SUMF1: variants seen among roughly 807,000 people sequenced by gnomAD.
The protein encoded by SUMF1 is formylglycine-generating enzyme.
A neutral mutation model predicts 47.6 loss-of-function variants in SUMF1; 48 were observed. The ratio of observed to expected loss-of-function variants is 1.01; its 90% CI spans 0.80 to 1.28. SUMF1 has a LOEUF of 1.28. Ranked by LOEUF, SUMF1 falls within the 50% of genes most tolerant of loss-of-function variation. SUMF1 has a pLI of 0.00. For missense variants in SUMF1, 571 were observed against 485.4 expected (o/e 1.18, Z -1.66); for synonymous variants, 230 against 192.1 (o/e 1.20, Z -1.63).
chr3:4,091,307 C>T (rs1692781717), intron 8 of SUMF1, among the ~76,000 whole-genome samples: 1 of 152,110 alleles, frequency 6.6e-6, no homozygotes, highest in Admixed American at 6.6e-5. Context: ...CACACTCCTT[C>T]ACCTCTTGTA....
Position 4,418,137 on chromosome 3 carries a change from G to C in SUMF1, c.603-5C>G. The C allele has an allele frequency of 6.2e-7, 1 of 1,613,958 alleles. No individual in the cohort carries two copies. The highest frequency in any genetic ancestry group is 8.5e-7 in the Non-Finnish European group (1 of 1,179,988). Reference sequence around the variant, plus strand: ...TGGAGAACTGGATGATCCGGCCTGGGGAAGAGCAAAAGTAGAATGAAAAGT... The same window carrying C: ...TGGAGAACTGGATGATCCGGCCTGGCGAAGAGCAAAAGTAGAATGAAAAGT... On this transcript the variant is annotated splice_region_variant and splice_polypyrimidine_tract_variant and intron_variant, in intron 4 of 8. Coordinates refer to ENST00000272902, the MANE Select transcript of SUMF1 (RefSeq NM_182760.4).
chr3:4,433,453 T>A (rs1702300079), intron 3 of SUMF1, among the ~76,000 whole-genome samples: 1 of 152,206 alleles, frequency 6.6e-6, no homozygotes, highest in Non-Finnish European at 1.5e-5. Context: ...TGCCACACAC[T>A]GGCTCCTAAG....
intron 8 of SUMF1, among the ~76,000 whole-genome samples, chr3:4,233,644 C>T (rs181080826): frequency 8.5e-5 from 13 of 152,124 alleles, no homozygotes; most frequent in Admixed American, 5.9e-4. Context: ...TACCACACTG[C>T]AGTTTCAAAA....
chr3:4,419,297 T>C (rs1701816547), intron 4 of SUMF1, among the ~76,000 whole-genome samples: 2 of 152,176 alleles, frequency 1.3e-5, no homozygotes, highest in South Asian at 2.1e-4. Context: ...CTTTGAAAGA[T>C]GTTTGACATT....
intron 3 of SUMF1, among the ~76,000 whole-genome samples, chr3:4,440,534 T>A (rs1237534796): frequency 6.6e-6 from 1 of 152,224 alleles, no homozygotes; most frequent in Non-Finnish European, 1.5e-5. Flanking sequence ...GTCGTGCAGT[T>A]GTGATTAAAT....
intron 8 of SUMF1, among the ~76,000 whole-genome samples, chr3:4,302,016 A>T (rs964728165): frequency 2.6e-5 from 4 of 152,204 alleles, no homozygotes; most frequent in African/African-American, 9.6e-5. Flanking sequence ...GAAAACAACA[A>T]GAGGATACTA....
rs184414261 is a variant in SUMF1, at chr3:4,302,257, A to T, written c.1014+74073T>A. Among the ~76,000 whole-genome samples the T allele has an allele frequency of 2.6e-5, 4 of 152,324 alleles. No individual in the cohort carries two copies. In the East Asian group the frequency reaches 7.7e-4, roughly 29 times the overall value. ...CTCACACATTTTAGGGAGACATAAT[A>T]CATCAATCAATACATGTAAGATTGG... is the stretch of plus-strand genomic sequence containing the variant. On this transcript the variant is annotated intron_variant and NMD_transcript_variant, in intron 8 of 12. Transcript: ENST00000448413.
At chr3:4,459,046 G>A (rs1184081305) in intron 1 of SUMF1, among the ~76,000 whole-genome samples, 1 of 152,146 alleles carries the variant, frequency 6.6e-6, no homozygotes, top group African/African-American at 2.4e-5. Context: ...GAGAGGGGAA[G>A]ATGGGGAAAG....
chr3:4,348,306 C>T (rs1021856080), intron 8 of SUMF1, among the ~76,000 whole-genome samples: 3 of 152,220 alleles, frequency 2.0e-5, no homozygotes, highest in African/African-American at 4.8e-5. Flanking sequence ...ACCAAAACAG[C>T]ATGGTACTGG....
At chr3:4,110,005 T>TTAAA (rs1693254888) in intron 8 of SUMF1, among the ~76,000 whole-genome samples, 1 of 152,108 alleles carries the variant, frequency 6.6e-6, no homozygotes, top group East Asian at 1.9e-4. Context: ...GGCGCTCTGA[T>TTAAA]TTTTAGAGTT....
intron 8 of SUMF1, among the ~76,000 whole-genome samples, chr3:4,327,131 TC>T (rs776863979): frequency 2.0e-5 from 3 of 152,176 alleles, no homozygotes; most frequent in Non-Finnish European, 2.9e-5. Context: ...TCGATTTTTT[TC>T]TTGACCAAAA....
chr3:4,326,713 G>A, intron 8 of SUMF1, among the ~76,000 whole-genome samples: 1 of 151,798 alleles, frequency 6.6e-6, no homozygotes, highest in African/African-American at 2.4e-5. Context: ...TAGAGATGTG[G>A]TTTTGCCATG....
In SUMF1 at chr3:4,137,914, T is replaced by TACAC. The variant is rs61300596; in HGVS notation, c.1015-69173_1015-69170dup. 1.1e-4 allele frequency among the ~76,000 whole-genome samples: 16 copies of TACAC among 142,106 alleles called. No homozygotes were observed. In the East Asian group the frequency reaches 1.3e-3, roughly 12 times the overall value. 93.2% of individuals were successfully genotyped at this position (142,106 alleles called of 152,430 possible). The stretch of plus-strand genomic sequence containing the variant: ...TCTTGCATATAGTAAACACTAATAA[T>TACAC]ACACACACACACACACACATTATTA... On this transcript the variant is annotated intron_variant and NMD_transcript_variant, in intron 8 of 12. Transcript: ENST00000448413.
At chr3:4,381,405 G>T (rs1449406032) in intron 7 of SUMF1, among the ~76,000 whole-genome samples, 1 of 152,030 alleles carries the variant, frequency 6.6e-6, no homozygotes, top group Non-Finnish European at 1.5e-5. Flanking sequence ...TCGGGTGGGG[G>T]TGCACCAAAA....
chr3:4,218,202 A>C (rs1166703847), intron 8 of SUMF1, among the ~76,000 whole-genome samples: 1 of 152,048 alleles, frequency 6.6e-6, no homozygotes, highest in Non-Finnish European at 1.5e-5. Flanking sequence ...CGAGAAATCA[A>C]CCCTGTCAAC....
intron 3 of SUMF1, among the ~76,000 whole-genome samples, chr3:4,437,641 T>G (rs141322502): frequency 6.6e-6 from 1 of 152,004 alleles, no homozygotes; most frequent in Non-Finnish European, 1.5e-5. Context: ...AAGATACAAA[T>G]TAAAAGTGAA....
chr3:4,166,659 G>A (rs1433162778), intron 8 of SUMF1, among the ~76,000 whole-genome samples: 2 of 152,110 alleles, frequency 1.3e-5, no homozygotes, highest in Admixed American at 1.3e-4. Flanking sequence ...CAGGCATTAG[G>A]ACCCAGGAGG....
At chr3:4,103,338 TA>T (rs1693080731) in intron 8 of SUMF1, among the ~76,000 whole-genome samples, 1 of 152,088 alleles carries the variant, frequency 6.6e-6, no homozygotes, top group Non-Finnish European at 1.5e-5. Flanking sequence ...AGGTCCATAT[TA>T]GATGAATTAT....
At chr3:4,168,464 C>T (rs1694760635) in intron 8 of SUMF1, among the ~76,000 whole-genome samples, 1 of 152,162 alleles carries the variant, frequency 6.6e-6, no homozygotes, top group South Asian at 2.1e-4. Flanking sequence ...GGTTGGTCTT[C>T]ACATCACTAA....
Sources: allele counts gnomAD v4.1 joint callset (sites outside exome capture counted in the v4.1 genomes callset), GRCh38; gene constraint gnomAD v4.1.1; transcripts MANE v1.5; gene names NCBI Gene and HGNC (gene_info 2026-07-23, HGNC 2026-07-21).